Variants in AHI1 observed in about 807,000 individuals in gnomAD.
The protein encoded by AHI1 is jouberin.
Under a neutral mutation model 149.3 loss-of-function variants are expected in AHI1, and 123 were observed. The ratio of observed to expected loss-of-function variants is 0.82; its 90% confidence interval spans 0.71 to 0.96. AHI1 has a LOEUF of 0.96. Ranked by LOEUF, AHI1 falls within the 40% of genes least tolerant of loss-of-function variation. The pLI, the probability that AHI1 is intolerant of heterozygous loss-of-function variation, is 0.00. For missense variants in AHI1, 1,439 were observed against 1,422.7 expected (o/e 1.01, Z -0.18); for synonymous variants, 475 against 459.8 (o/e 1.03, Z -0.42).
intron 11 of AHI1, among the ~76,000 whole-genome samples, chr6:135,450,381 G>C (rs2128063812): frequency 6.6e-6 from 1 of 152,276 alleles, no homozygotes; most frequent in South Asian, 2.1e-4. Flanking sequence ...ATAAGTTAAG[G>C]AATGATGCAT....
intron 24 of AHI1, among the ~76,000 whole-genome samples, chr6:135,330,397 A>T (rs1788374258): frequency 6.6e-6 from 1 of 152,260 alleles, no homozygotes; most frequent in South Asian, 2.1e-4. Context: ...GACTTGCTGA[A>T]GGCTGAGATG....
chr6:135,394,217 C>T (rs1029405450), intron 23 of AHI1, among the ~76,000 whole-genome samples: 1 of 152,032 alleles, frequency 6.6e-6, no homozygotes, highest in Non-Finnish European at 1.5e-5. Context: ...ACATTTCTCA[C>T]TTAGATGTTT....
intron 2 of AHI1, among the ~76,000 whole-genome samples, chr6:135,496,256 AC>A (rs1021048863): frequency 3.0e-4 from 45 of 152,206 alleles, no homozygotes; most frequent in African/African-American, 1.0e-3. Context: ...AGCTGGGACT[AC>A]AGGTGTGGGC....
In AHI1 at chr6:135,372,531, GA is replaced by G. The variant is rs200864909; in HGVS notation, c.3110-14345del. 2.9e-3 allele frequency among the ~76,000 whole-genome samples: 412 copies of G among 139,754 alleles called. 1 individual carries two copies. The highest frequency in any genetic ancestry group is 0.015 in the Middle Eastern group (4 of 274). 91.7% of individuals were successfully genotyped at this position (139,754 alleles called of 152,430 possible). A position where few individuals can be genotyped will look rare whatever the true frequency, so the allele number is the denominator to read the frequency against. ...CGGAAAAAAAAAGAAAAAAAAAAAAGAAAAAAAAAATTAGCTGGATGTGGGT... is the reference window on the plus strand; with the variant it reads ...CGGAAAAAAAAAGAAAAAAAAAAAAGAAAAAAAAATTAGCTGGATGTGGGT... On this transcript the variant is annotated intron_variant, in intron 23 of 28. Transcript: ENST00000265602.
chr6:135,491,847 G>A (rs117183298), intron 4 of AHI1, among the ~76,000 whole-genome samples: 1 of 152,224 alleles, frequency 6.6e-6, no homozygotes, highest in African/African-American at 2.4e-5. Flanking sequence ...GAGACAGAGA[G>A]ACAGAGTTGA....
At chr6:135,303,317 TTAAA>T (rs1432882056) in intron 26 of AHI1, among the ~76,000 whole-genome samples, 5 of 152,236 alleles carry the variant, frequency 3.3e-5, no homozygotes, top group South Asian at 4.1e-4. Context: ...CACACGAGAC[TTAAA>T]TAAGGCAAAT....
chr6:135,381,072 T>C (rs894653412), intron 23 of AHI1, among the ~76,000 whole-genome samples: 1 of 152,152 alleles, frequency 6.6e-6, no homozygotes, highest in Admixed American at 6.5e-5. Flanking sequence ...TATATCTGCC[T>C]TTTACATTAG....
intron 8 of AHI1, among the ~76,000 whole-genome samples, chr6:135,462,078 CAT>C (rs1427247263): frequency 1.3e-5 from 2 of 151,932 alleles, no homozygotes; most frequent in African/African-American, 2.4e-5. Context: ...TATAGAAACA[CAT>C]AAAACAAGTA....
At chr6:135,336,377 C>T (rs1036971776) in intron 24 of AHI1, among the ~76,000 whole-genome samples, 4 of 151,960 alleles carry the variant, frequency 2.6e-5, no homozygotes, top group South Asian at 2.1e-4. Context: ...GTGGGCGGAT[C>T]GCTTGAGTCC....
intron 28 of AHI1, among the ~76,000 whole-genome samples, chr6:135,289,150 G>A (rs1328358986): frequency 4.0e-5 from 6 of 149,524 alleles, no homozygotes; most frequent in Non-Finnish European, 7.4e-5. Context: ...TTCTACTGGT[G>A]TATTTTTTTT....
intron 8 of AHI1, among the ~76,000 whole-genome samples, chr6:135,462,164 TAG>T (rs1394949416): frequency 6.6e-6 from 1 of 152,008 alleles, no homozygotes; most frequent in Non-Finnish European, 1.5e-5. Flanking sequence ...ATTTTAATTA[TAG>T]AAACCACAAA....
chr6:135,415,544 A>G (rs113819511), intron 20 of AHI1, among the ~76,000 whole-genome samples: 1,804 of 152,282 alleles, frequency 0.012, 40 homozygotes, highest in African/African-American at 0.041. Flanking sequence ...CTGATATACT[A>G]ATGGTGGGAA....
At chr6:135,374,995 G>T (rs1474308120) in intron 23 of AHI1, among the ~76,000 whole-genome samples, 1 of 152,268 alleles carries the variant, frequency 6.6e-6, no homozygotes, top group South Asian at 2.1e-4. Context: ...GTATGCTAAT[G>T]TAAGTGTTCT....
At position 135,358,132 on chromosome 6, in the gene AHI1, C is replaced by T. The variant is rs781211701; in HGVS notation, c.3165G>A (p.Thr1055=). 5.6e-6 allele frequency: 9 copies of T among 1,611,470 alleles called. No homozygotes were observed. The highest frequency in any genetic ancestry group is 1.3e-5 in the African/African-American group (1 of 74,770). Residue 1055 remains threonine (T), a splice_region_variant and synonymous_variant, in exon 24 of 29, where the codon ACG becomes ACA. Transcript: ENST00000265602. ...ACAACGTAGCAACAGACTGTCTTACCGTTGGTGCTGTATCTACCTGATGGT... is the reference window on the plus strand; with the variant it reads ...ACAACGTAGCAACAGACTGTCTTACTGTTGGTGCTGTATCTACCTGATGGT... ...PCNHQVDTAP[T]VVALYDYTAN...
At chr6:135,421,702 T>C (rs1783186389) in intron 20 of AHI1, among the ~76,000 whole-genome samples, 1 of 152,190 alleles carries the variant, frequency 6.6e-6, no homozygotes. Flanking sequence ...AGGGCTCTGG[T>C]TTATGCTCAA....
At chr6:135,424,837 A>T (rs1383457760) in intron 20 of AHI1, among the ~76,000 whole-genome samples, 2 of 151,938 alleles carry the variant, frequency 1.3e-5, no homozygotes, top group African/African-American at 4.8e-5. Flanking sequence ...AACACCACTT[A>T]AAAATCCCTT....
In AHI1 at chr6:135,448,399, C is replaced by G; in HGVS notation, c.1517G>C (p.Arg506Pro). 4 of 1,606,128 alleles carry G rather than the reference C, an allele frequency of 2.5e-6. No individual in the cohort carries two copies. Among genetic ancestry groups the G allele is most frequent in the Non-Finnish European group, 3.4e-6 (4 of 1,174,838 alleles). The change falls in exon 12 of 29, where the codon CGA (arginine) becomes CCA (proline). Residue 506 changes from arginine to proline, a missense_variant. Transcript: ENST00000265602. ...TGCCTCAACAACACTTAATGGGGAT[C>G]GAGGCTTAGTAGGTGGGTAATATAG... ...LQLYYPPTKP[R>P]SPLSVVEAFE...
At position 135,396,321 on chromosome 6, in the gene AHI1, A is replaced by T. The variant is rs1016754926; in HGVS notation, c.2989-1425T>A. Among the ~76,000 whole-genome samples the T allele has an allele frequency of 5.3e-5, 8 of 151,846 alleles. No individual in the cohort carries two copies. The South Asian group carries it at 1.7e-3, about 31-fold the overall frequency. On this transcript the variant is annotated intron_variant, in intron 22 of 28. Coordinates refer to ENST00000265602, the MANE Select transcript of AHI1 (RefSeq NM_001134831.2). ...ACCTAAAACAACAAACTCATTTGAT[A>T]TCTTTGAGCTTCACTTTCCATCTTT...
chr6:135,440,944 G>A (rs1241983187), intron 14 of AHI1, among the ~76,000 whole-genome samples: 1 of 152,044 alleles, frequency 6.6e-6, no homozygotes, highest in African/African-American at 2.4e-5. Context: ...AAACAGGAAA[G>A]AGTGGCCCAT....
Sources: allele counts gnomAD v4.1 joint callset (sites outside exome capture counted in the v4.1 genomes callset), GRCh38; gene constraint gnomAD v4.1.1; transcripts MANE v1.5; gene names NCBI Gene and HGNC (gene_info 2026-07-23, HGNC 2026-07-21).